The following STK32B variants were observed in gnomAD, a reference collection of about 807,000 sequenced individuals.
STK32B encodes the protein serine/threonine-protein kinase 32B.
STK32B carries 43 observed loss-of-function variants against 52.6 expected under a neutral mutation model. The ratio of observed to expected loss-of-function variants is 0.82; its 90% CI spans 0.64 to 1.05. The LOEUF is 1.05. Ranked by LOEUF, STK32B falls within the 50% of genes least tolerant of loss-of-function variation. STK32B has a pLI of 0.00. For synonymous variants in STK32B, 238 were observed against 204.3 expected, an observed-to-expected ratio of 1.17 and a Z score of -1.41; for missense variants, 621 against 534.6, an observed-to-expected ratio of 1.16 and a Z score of -1.59.
intron 3 of STK32B, among the ~76,000 whole-genome samples, chr4:5,242,911 G>A (rs1205907275): frequency 1.3e-5 from 2 of 152,118 alleles, no homozygotes; most frequent in African/African-American, 2.4e-5. Context: ...TATTTCTGAG[G>A]CCTCTGTTGT....
At chr4:5,130,777 C>A (rs935025462) in intron 1 of STK32B, among the ~76,000 whole-genome samples, 1 of 152,154 alleles carries the variant, frequency 6.6e-6, no homozygotes, top group South Asian at 2.1e-4. Flanking sequence ...TTAATCCTTC[C>A]TCCACCCTGC....
the STK32B span, among the ~76,000 whole-genome samples, chr4:5,033,865 A>AG: frequency 6.6e-6 from 1 of 152,172 alleles, no homozygotes; most frequent in East Asian, 1.9e-4. Flanking sequence ...TCTTTGTGGT[A>AG]GGGGAGGTGT....
chr4:5,455,400 G>C (rs1318618501), intron 7 of STK32B, among the ~76,000 whole-genome samples: 2 of 152,234 alleles, frequency 1.3e-5, no homozygotes, highest in African/African-American at 4.8e-5. Flanking sequence ...AGTGCAAGCG[G>C]ATCATGCTTC....
At chr4:5,053,229 G>A (rs924523885) in intron 1 of STK32B, among the ~76,000 whole-genome samples, 4 of 152,160 alleles carry the variant, frequency 2.6e-5, no homozygotes, top group African/African-American at 7.2e-5. Flanking sequence ...GACCGTCCAT[G>A]GTGATAAGGG....
Position 5,058,275 on chromosome 4 carries a change from A to G in STK32B, c.52+6360A>G, listed in dbSNP as rs115297465. On this transcript the variant is annotated intron_variant, in intron 1 of 11. Coordinates refer to ENST00000282908, the MANE Select transcript of STK32B (RefSeq NM_018401.3). This position sits in a 1 kb window ranked among gnomAD's most constrained non-coding sequence, Gnocchi z 4.8. ...CCTTTACTTTTCATGCACACACACA[A>G]AATTATACCTCCTTGTCCCCTTGAA... 0.031 allele frequency among the ~76,000 whole-genome samples: 4,690 copies of G among 152,314 alleles called. 266 individuals carry two copies. Among genetic ancestry groups the G allele is most frequent in the African/African-American group, 0.11 (4,470 of 41,558 alleles).
chr4:5,171,747 C>G lies in STK32B; in HGVS notation c.260+3297C>G, dbSNP rs1393549219. ...GGTTTGAAGTCAGGTAGCGTGATGC[C>G]TCCAGCTTTGTTCTTTTGGCTTAGG... On this transcript the variant is annotated intron_variant, in intron 3 of 11. Transcript: ENST00000282908. 7.2e-4 allele frequency among the ~76,000 whole-genome samples: 106 copies of G among 148,210 alleles called. 3 individuals carry two copies. Among genetic ancestry groups the G allele is most frequent in the Non-Finnish European group, 4.6e-5 (3 of 65,836 alleles).
rs566678825 is a variant in STK32B, at chr4:5,341,981, G to A, written c.434+10588G>A. ...ATTTACATTAGGTATTTCTCCTAAT[G>A]CTATCCCTCCCCTCTCCCCCTACTC... is the stretch of plus-strand genomic sequence containing the variant. On this transcript the variant is annotated intron_variant, in intron 4 of 11. Coordinates refer to ENST00000282908, the MANE Select transcript of STK32B (RefSeq NM_018401.3). 1.3e-5 allele frequency among the ~76,000 whole-genome samples: 2 copies of A among 152,198 alleles called. 1 individual carries two copies. Among genetic ancestry groups the A allele is most frequent in the African/African-American group, 4.8e-5 (2 of 41,508 alleles).
intron 1 of STK32B, among the ~76,000 whole-genome samples, chr4:5,138,858 G>A (rs140736394): frequency 1.3e-5 from 2 of 152,300 alleles, no homozygotes; most frequent in African/African-American, 2.4e-5. Flanking sequence ...CTGCTCTCAC[G>A]TGTCTGGCAT....
chr4:5,133,355 T>G (rs540920188), intron 1 of STK32B, among the ~76,000 whole-genome samples: 3 of 152,228 alleles, frequency 2.0e-5, no homozygotes, highest in African/African-American at 7.2e-5. Context: ...CTGCCACAGC[T>G]TGGTCAGCCC....
intron 2 of STK32B, among the ~76,000 whole-genome samples, chr4:5,142,904 C>T (rs944287869): frequency 6.6e-6 from 1 of 152,150 alleles, no homozygotes; most frequent in African/African-American, 2.4e-5. Flanking sequence ...CATTTGAAGA[C>T]TTTAGGAGAA....
At chr4:5,370,814 A>C (rs1434867839) in intron 4 of STK32B, among the ~76,000 whole-genome samples, 4 of 152,016 alleles carry the variant, frequency 2.6e-5, no homozygotes, top group Admixed American at 6.6e-5. Flanking sequence ...AAAAATAAAA[A>C]TAAAAAAAAT....
chr4:5,389,783 C>G lies in STK32B; in HGVS notation c.435-8424C>G, dbSNP rs1259946080. On this transcript the variant is annotated intron_variant, in intron 4 of 11. Coordinates refer to ENST00000282908, the MANE Select transcript of STK32B (RefSeq NM_018401.3). ...TATAATCTGTGCCTGTGTCACCTTA[C>G]AGGGCAAAAGGGACTTTGCAGATGT... Among the ~76,000 whole-genome samples, 3 of 152,176 alleles carry G rather than the reference C, an allele frequency of 2.0e-5. No individual in the cohort carries two copies. In the South Asian group the frequency reaches 6.2e-4, roughly 32 times the overall value.
At chr4:5,333,552 A>T (rs1356232604) in intron 4 of STK32B, among the ~76,000 whole-genome samples, 1 of 152,182 alleles carries the variant, frequency 6.6e-6, no homozygotes, top group African/African-American at 2.4e-5. Context: ...GTCCTTGCCC[A>T]TGCCTATGTC....
chr4:5,213,251 A>G (rs1376911126), intron 3 of STK32B, among the ~76,000 whole-genome samples: 1 of 152,100 alleles, frequency 6.6e-6, no homozygotes, highest in Admixed American at 6.6e-5. Flanking sequence ...TCCTGCCACC[A>G]AGCTGCCATC....
intron 3 of STK32B, among the ~76,000 whole-genome samples, chr4:5,316,871 T>C (rs1239582975): frequency 1.6e-4 from 2 of 12,742 alleles, no homozygotes; most frequent in Non-Finnish European, 2.1e-4. Context: ...TTATATATTA[T>C]ATATAATATA....
At chr4:5,260,008 G>A (rs1005857913) in intron 3 of STK32B, among the ~76,000 whole-genome samples, 3 of 151,862 alleles carry the variant, frequency 2.0e-5, no homozygotes, top group Non-Finnish European at 4.4e-5. Flanking sequence ...CTGAGGGGGG[G>A]TCAAGTCATG....
chr4:5,476,913 T>C (rs1718285087), intron 11 of STK32B, among the ~76,000 whole-genome samples: 1 of 151,408 alleles, frequency 6.6e-6, no homozygotes, highest in Non-Finnish European at 1.5e-5. Context: ...CGCCACCAGA[T>C]TGGTGGCTAC....
At chr4:5,232,426 CTG>C (rs1724336405) in intron 3 of STK32B, among the ~76,000 whole-genome samples, 1 of 152,202 alleles carries the variant, frequency 6.6e-6, no homozygotes, top group Admixed American at 6.6e-5. Context: ...GCTAATGCAA[CTG>C]TGATTTGTTT....
intron 1 of STK32B, among the ~76,000 whole-genome samples, chr4:5,137,836 C>G (rs1259971316): frequency 6.6e-6 from 1 of 152,120 alleles, no homozygotes; most frequent in African/African-American, 2.4e-5. Context: ...GTGTCAAAGG[C>G]CAATGAAAAG....
Sources: gnomAD v4.1 joint callset for allele counts (sites outside exome capture counted in the v4.1 genomes callset) on GRCh38, gnomAD v4.1.1 for gene constraint, Gnocchi (gnomAD v3.1) non-coding constraint, MANE v1.5 for transcripts, NCBI Gene and HGNC (gene_info 2026-07-23, HGNC 2026-07-21) for gene names.